MEF2C: variants seen among roughly 807,000 people sequenced by gnomAD.
MEF2C encodes myocyte-specific enhancer factor 2C.
MEF2C carries 6 observed loss-of-function variants against 50.5 expected under a neutral mutation model. The observed-to-expected ratio is 0.12, with a 90% CI of 0.07 to 0.23. The LOEUF is 0.23. Among genes scored for constraint, MEF2C ranks in the 10% least tolerant of loss-of-function variants. The probability of loss-of-function intolerance (pLI) is 1.00; values close to 1 mark genes in which losing one functional copy is unlikely to be tolerated. For synonymous variants in MEF2C, 183 were observed against 228.0 expected (o/e 0.80, Z 1.78); for missense variants, 276 against 605.0 (o/e 0.46, Z 5.70).
At chr5:88,822,152 A>G (rs929332497) in intron 2 of MEF2C, among the ~76,000 whole-genome samples, 1 of 151,980 alleles carries the variant, frequency 6.6e-6, no homozygotes, top group Non-Finnish European at 1.5e-5. Flanking sequence ...TTTTCTTCTA[A>G]CTTTGCAAGC....
At chr5:88,770,509 C>T (rs972079515) in intron 3 of MEF2C, among the ~76,000 whole-genome samples, 1 of 152,214 alleles carries the variant, frequency 6.6e-6, no homozygotes, top group Non-Finnish European at 1.5e-5. Flanking sequence ...CACATTTCCT[C>T]ATTTCTACAG....
chr5:88,895,397 A>G (rs1027540226), intron 1 of MEF2C, among the ~76,000 whole-genome samples: 6 of 152,156 alleles, frequency 3.9e-5, no homozygotes, highest in Non-Finnish European at 2.9e-5. Flanking sequence ...ATTTCATCAG[A>G]CTTATGAAAG....
chr5:88,754,223 C>A (rs1033081786), intron 4 of MEF2C, among the ~76,000 whole-genome samples: 1 of 152,150 alleles, frequency 6.6e-6, no homozygotes, highest in African/African-American at 2.4e-5. Context: ...CCTTGCTGGG[C>A]CACAGGCTGG....
chr5:88,870,348 G>A (rs1829123658), intron 1 of MEF2C, among the ~76,000 whole-genome samples: 1 of 151,862 alleles, frequency 6.6e-6, no homozygotes, highest in Non-Finnish European at 1.5e-5. Flanking sequence ...ATAAAACTAG[G>A]GCAATGCATA....
At chr5:88,840,988 C>T (rs1203445888) in intron 1 of MEF2C, among the ~76,000 whole-genome samples, 1 of 152,160 alleles carries the variant, frequency 6.6e-6, no homozygotes, top group Non-Finnish European at 1.5e-5. Flanking sequence ...TTAATACTCA[C>T]GCCCTGAACT....
In MEF2C at chr5:88,845,616, G is replaced by A. The variant is rs571104061; in HGVS notation, c.-142-21686C>T. ...TTCCTGTGTGATAAGCTTATCTAAA[G>A]TAGGAAACAAGCAATAATGCATATG... is the stretch of plus-strand genomic sequence containing the variant. On this transcript the variant is annotated intron_variant, in intron 1 of 10. Transcript: ENST00000504921. Among the ~76,000 whole-genome samples the A allele has an allele frequency of 3.3e-5, 5 of 152,274 alleles. No individual in the cohort carries two copies. The East Asian group carries it at 7.7e-4, about 23-fold the overall frequency.
At chr5:88,748,793 G>A (rs1165403397) in intron 6 of MEF2C, 27 of 985,244 alleles carry the variant, frequency 2.7e-5, no homozygotes, top group Non-Finnish European at 3.1e-5. Context: ...GTCCAAGGAT[G>A]GTATCCAGGA....
At chr5:88,743,624 G>C (rs776852512) in intron 6 of MEF2C, 13 of 983,550 alleles carry the variant, frequency 1.3e-5, no homozygotes, top group African/African-American at 1.7e-5. Flanking sequence ...TCCAATCTGA[G>C]TAAGTACTAA....
chr5:88,767,759 T>A (rs1437144654), intron 3 of MEF2C, among the ~76,000 whole-genome samples: 1 of 152,154 alleles, frequency 6.6e-6, no homozygotes, highest in Non-Finnish European at 1.5e-5. Flanking sequence ...ATAATGGAAA[T>A]AAAAGACACA....
chr5:88,781,505 A>T (rs1788005700), intron 3 of MEF2C, among the ~76,000 whole-genome samples: 3 of 152,234 alleles, frequency 2.0e-5, no homozygotes, highest in Admixed American at 2.0e-4. Context: ...AAGTGGCAGA[A>T]ACCAGGTTTG....
At chr5:88,851,375 T>C (rs244750) in intron 1 of MEF2C, among the ~76,000 whole-genome samples, 28,880 of 152,064 alleles carry the variant, frequency 0.19, 2,956 homozygotes, top group Middle Eastern at 0.3. Context: ...CCAAAAGTTA[T>C]ATACAAATCT....
intron 1 of MEF2C, among the ~76,000 whole-genome samples, chr5:88,827,561 G>A (rs577569535): frequency 4.3e-4 from 66 of 151,988 alleles, no homozygotes; most frequent in East Asian, 1.6e-3. Context: ...GACCGGGAGC[G>A]TGATTTTTAA....
intron 6 of MEF2C, chr5:88,740,119 G>C (rs1765903864): frequency 1.0e-6 from 1 of 985,260 alleles, no homozygotes; most frequent in Non-Finnish European, 1.2e-6. Context: ...TAAAAAGAGA[G>C]CTGTCTCTTC....
chr5:88,843,487 A>T (rs764787782), intron 1 of MEF2C: 31 of 984,664 alleles, frequency 3.1e-5, no homozygotes, highest in Non-Finnish European at 3.5e-5. Context: ...ATGTTACACA[A>T]TTACATTTAA....
intron 1 of MEF2C, among the ~76,000 whole-genome samples, chr5:88,840,701 T>C (rs908785979): frequency 6.6e-6 from 1 of 152,212 alleles, no homozygotes; most frequent in Non-Finnish European, 1.5e-5. Context: ...GCTGAATTCC[T>C]ATCTTTCAAG....
In MEF2C at chr5:88,722,443, T is replaced by A; in HGVS notation, c.*161A>T. 2 of 620,520 alleles carry A rather than the reference T, an allele frequency of 3.2e-6. No homozygotes were observed. Among genetic ancestry groups the A allele is most frequent in the Non-Finnish European group, 5.6e-6 (2 of 355,188 alleles). The allele number at this position is 620,520 out of a possible 1,614,324, so 38.4% of individuals were successfully genotyped here. ...CATTTCTGTTTATCTTTATACTGTA[T>A]CACTGAGGCAATTTAAAAGTACTTT... On this transcript the variant is annotated 3_prime_UTR_variant, in exon 11 of 11. Transcript: ENST00000504921.
intron 3 of MEF2C, among the ~76,000 whole-genome samples, chr5:88,773,109 C>G (rs1399824471): frequency 6.6e-6 from 1 of 152,220 alleles, no homozygotes; most frequent in Non-Finnish European, 1.5e-5. Context: ...TGTGTTAGAA[C>G]GAAGTTCTAT....
intron 1 of MEF2C, among the ~76,000 whole-genome samples, chr5:88,862,017 C>A (rs1472608132): frequency 2.6e-5 from 4 of 152,126 alleles, no homozygotes; most frequent in Admixed American, 2.6e-4. Context: ...GCAGTGCAAC[C>A]CAGTTCTTCC....
intron 3 of MEF2C, among the ~76,000 whole-genome samples, chr5:88,794,976 G>A (rs1795378160): frequency 6.6e-6 from 1 of 152,026 alleles, no homozygotes. Context: ...TATTTCTGAG[G>A]CCTCTGTTCT....
Sources: gnomAD v4.1 joint callset for allele counts (sites outside exome capture counted in the v4.1 genomes callset) on GRCh38, gnomAD v4.1.1 for gene constraint, MANE v1.5 for transcripts, NCBI Gene and HGNC (gene_info 2026-07-23, HGNC 2026-07-21) for gene names.